The following PSMA1 variants were observed in gnomAD, a reference collection of about 807,000 sequenced individuals.
The protein encoded by PSMA1 is proteasome subunit alpha type-1.
PSMA1 carries 3 observed loss-of-function variants against 38.4 expected under a neutral mutation model. That is an observed-to-expected ratio of 0.08 (90% CI 0.04 to 0.20). The LOEUF (loss-of-function observed/expected upper bound fraction) is 0.20, where lower values mean the gene tolerates loss of function less well. Among genes scored for constraint, PSMA1 ranks in the 10% least tolerant of loss-of-function variants. The pLI is 1.00. For missense variants in PSMA1, 227 were observed against 325.3 expected (o/e 0.70, Z 2.32); for synonymous variants, 101 against 107.1 (o/e 0.94, Z 0.35).
At chr11:14,574,289 T>C (rs1407942145) in intron 2 of PSMA1, among the ~76,000 whole-genome samples, 1 of 152,144 alleles carries the variant, frequency 6.6e-6, no homozygotes, top group Non-Finnish European at 1.5e-5. Flanking sequence ...AAAAATGATT[T>C]TGTGGGTCAG....
intron 2 of PSMA1, among the ~76,000 whole-genome samples, chr11:14,586,380 C>T (rs148613058): frequency 4.6e-4 from 70 of 151,738 alleles, no homozygotes; most frequent in African/African-American, 1.5e-3. Flanking sequence ...TGCAGTGAGC[C>T]GAGATCGTGC....
At chr11:14,572,382 A>G (rs1306127254) in intron 2 of PSMA1, among the ~76,000 whole-genome samples, 1 of 152,230 alleles carries the variant, frequency 6.6e-6, no homozygotes, top group African/African-American at 2.4e-5. Context: ...GCTCAACTAC[A>G]TGGAAACTGA....
chr11:14,521,322 G>A (rs1346853785), upstream of PSMA1, among the ~76,000 whole-genome samples: 4 of 79,566 alleles, frequency 5.0e-5, no homozygotes, highest in African/African-American at 1.6e-4. Context: ...ATAAGAATAA[G>A]AATAAGAATA....
intron 8 of PSMA1, among the ~76,000 whole-genome samples, chr11:14,510,576 T>G (rs564058313): frequency 1.3e-5 from 2 of 152,328 alleles, no homozygotes; most frequent in Admixed American, 6.5e-5. Context: ...TGCCTGCACA[T>G]GGTAGGTGCT....
intron 2 of PSMA1, among the ~76,000 whole-genome samples, chr11:14,557,279 C>CTA (rs2134171446): frequency 6.6e-6 from 1 of 152,256 alleles, no homozygotes; most frequent in South Asian, 2.1e-4. Context: ...CACTCTGTCA[C>CTA]CAGGCTGGAG....
intron 2 of PSMA1, among the ~76,000 whole-genome samples, chr11:14,572,508 T>G (rs940866002): frequency 6.6e-6 from 1 of 152,158 alleles, no homozygotes; most frequent in Non-Finnish European, 1.5e-5. Flanking sequence ...GGGACACATT[T>G]AAAGCAGTGT....
rs1013435888 is a variant in PSMA1 at position 14,556,635 on chromosome 11, C to T, written c.22-37594G>A. Among the ~76,000 whole-genome samples the T allele has an allele frequency of 7.3e-5, 11 of 151,714 alleles. No individual in the cohort carries two copies. The East Asian group carries it at 7.7e-4, about 11-fold the overall frequency. On this transcript the variant is annotated intron_variant, in intron 2 of 10. Coordinates refer to the PSMA1 transcript ENST00000418988. ...TTCAGGCATCTTATTTTAGTAATTC[C>T]CTCCCCTCCACTTTCTCTGCTTACT... is the stretch of plus-strand genomic sequence containing the variant.
chr11:14,546,695 C>A (rs560811972), intron 2 of PSMA1, among the ~76,000 whole-genome samples: 238 of 152,278 alleles, frequency 1.6e-3, no homozygotes, highest in African/African-American at 5.3e-3. Context: ...CTTGACCTCC[C>A]AAAGAGCTGG....
intron 1 of PSMA1, among the ~76,000 whole-genome samples, chr11:14,641,828 G>A (rs1853206672): frequency 6.6e-6 from 1 of 152,180 alleles, no homozygotes; most frequent in African/African-American, 2.4e-5. Context: ...AACCTGAAAG[G>A]TGAGTCTTAA....
chr11:14,556,942 C>T (rs893318491), intron 2 of PSMA1, among the ~76,000 whole-genome samples: 1 of 152,194 alleles, frequency 6.6e-6, no homozygotes, highest in Non-Finnish European at 1.5e-5. Flanking sequence ...CTCAAGCAAT[C>T]CTTCCACATC....
intron 2 of PSMA1, among the ~76,000 whole-genome samples, chr11:14,566,038 A>G (rs1329330673): frequency 6.6e-6 from 1 of 152,224 alleles, no homozygotes; most frequent in African/African-American, 2.4e-5. Flanking sequence ...GTGGGAGCAT[A>G]CCTGGATATC....
At chr11:14,560,221 T>C (rs777334770) in intron 2 of PSMA1, among the ~76,000 whole-genome samples, 69 of 152,212 alleles carry the variant, frequency 4.5e-4, no homozygotes, top group Non-Finnish European at 9.3e-4. Flanking sequence ...GCCAATGCTT[T>C]GTGTTGGATC....
At chr11:14,564,334 A>G (rs141901156) in intron 2 of PSMA1, among the ~76,000 whole-genome samples, 246 of 152,278 alleles carry the variant, frequency 1.6e-3, no homozygotes, top group Non-Finnish European at 2.5e-3. Context: ...CATTCAGCAT[A>G]ATTCTCTGGC....
intron 1 of PSMA1, among the ~76,000 whole-genome samples, chr11:14,641,765 T>C (rs531913425): frequency 2.2e-4 from 34 of 152,368 alleles, no homozygotes; most frequent in Middle Eastern, 3.4e-3. Flanking sequence ...AGTTTGGTAG[T>C]ATAAATAATA....
intron 2 of PSMA1, among the ~76,000 whole-genome samples, chr11:14,597,433 G>A (rs2134191733): frequency 6.6e-6 from 1 of 152,250 alleles, no homozygotes; most frequent in East Asian, 1.9e-4. Flanking sequence ...CCTGTTATTG[G>A]TCTATTCAGA....
At chr11:14,590,216 G>C (rs1362465936) in intron 2 of PSMA1, among the ~76,000 whole-genome samples, 1 of 152,168 alleles carries the variant, frequency 6.6e-6, no homozygotes, top group Non-Finnish European at 1.5e-5. Flanking sequence ...TTATTTAATG[G>C]GTAGAGTTTC....
chr11:14,546,585 G>A (rs753607016), intron 2 of PSMA1, among the ~76,000 whole-genome samples: 1 of 151,974 alleles, frequency 6.6e-6, no homozygotes, highest in Admixed American at 6.6e-5. Context: ...TTACAGGCGT[G>A]TGTCACCATG....
chr11:14,575,923 T>G (rs923104173), intron 2 of PSMA1, among the ~76,000 whole-genome samples: 2 of 152,210 alleles, frequency 1.3e-5, no homozygotes, highest in African/African-American at 4.8e-5. Flanking sequence ...CAGCACCTGT[T>G]GTTTCCTGAC....
intron 2 of PSMA1, among the ~76,000 whole-genome samples, chr11:14,539,856 C>G (rs1218469881): frequency 7.4e-6 from 1 of 135,952 alleles, no homozygotes; most frequent in African/African-American, 2.7e-5. Flanking sequence ...CTCAAACAAA[C>G]AAACAAAGAA....
Sources: gnomAD v4.1 joint callset for allele counts (sites outside exome capture counted in the v4.1 genomes callset) on GRCh38, gnomAD v4.1.1 for gene constraint, MANE v1.5 for transcripts, NCBI Gene and HGNC (gene_info 2026-07-23, HGNC 2026-07-21) for gene names.